UBE2E1: variants seen among roughly 807,000 people sequenced by gnomAD.
The protein encoded by UBE2E1 is ubiquitin conjugating enzyme E2 E1, also known as ubiquitin-conjugating enzyme E2 E1.
In UBE2E1, 6 loss-of-function variants were observed where a neutral mutation model predicts 21.4. The observed-to-expected ratio is 0.28, with a 90% CI of 0.15 to 0.55. The LOEUF (loss-of-function observed/expected upper bound fraction) is 0.55, where lower values mean the gene tolerates loss of function less well. Ranked by LOEUF, UBE2E1 falls within the 20% of genes least tolerant of loss-of-function variation. The pLI is 0.93. For missense variants in UBE2E1, 142 were observed against 236.5 expected (o/e 0.60, Z 2.62); for synonymous variants, 87 against 82.7 (o/e 1.05, Z -0.28).
At chr3:23,889,421 G>A in intron 5 of UBE2E1, 162 bp downstream of exon 5, 1 of 1,470,308 alleles carries the variant, frequency 6.8e-7, no homozygotes, top group Non-Finnish European at 8.9e-7. Context: ...CAGTCTACTA[G>A]TTGAGACACA....
intron 3 of UBE2E1, among the ~76,000 whole-genome samples, chr3:23,872,351 A>G (rs1219038028): frequency 6.8e-6 from 1 of 146,796 alleles, no homozygotes; most frequent in South Asian, 2.3e-4. Flanking sequence ...TCGGCATCAG[A>G]GGGAGACCGT....
At chr3:23,832,760 G>C (rs1328523920) in intron 3 of UBE2E1, among the ~76,000 whole-genome samples, 4 of 152,152 alleles carry the variant, frequency 2.6e-5, no homozygotes, top group African/African-American at 9.7e-5. Context: ...CAGGGATGTG[G>C]TGACTCACAC....
intron 3 of UBE2E1, among the ~76,000 whole-genome samples, chr3:23,848,823 G>A (rs1029378695): frequency 2.6e-5 from 4 of 152,170 alleles, no homozygotes; most frequent in Admixed American, 6.5e-5. Flanking sequence ...GGAATCAAAG[G>A]GGGAGAGGTG....
intron 3 of UBE2E1, among the ~76,000 whole-genome samples, chr3:23,821,285 A>G (rs1179948964): frequency 1.3e-5 from 2 of 152,220 alleles, no homozygotes; most frequent in East Asian, 1.9e-4. Flanking sequence ...AGCCTTACAA[A>G]GACATTTGGT....
chr3:23,867,474 T>G (rs75788107), intron 3 of UBE2E1, among the ~76,000 whole-genome samples: 2,121 of 152,356 alleles, frequency 0.014, 24 homozygotes, highest in Non-Finnish European at 0.02. Context: ...TTCACCCATT[T>G]CAAATCTTCC....
chr3:23,819,215 C>T (rs1699593623), intron 3 of UBE2E1, among the ~76,000 whole-genome samples: 2 of 152,114 alleles, frequency 1.3e-5, no homozygotes, highest in Admixed American at 1.3e-4. Flanking sequence ...ACCCGGGAGA[C>T]AGGGGTTGCA....
At chr3:23,866,679 G>A (rs1264002716) in intron 3 of UBE2E1, among the ~76,000 whole-genome samples, 5 of 150,532 alleles carry the variant, frequency 3.3e-5, no homozygotes, top group Admixed American at 6.6e-5. Flanking sequence ...CATTATTATC[G>A]AAATTCCTCT....
chr3:23,887,658 G>C lies in UBE2E1; in HGVS notation c.295G>C (p.Asp99His). 1 of 1,613,786 alleles carries C rather than the reference G, an allele frequency of 6.2e-7. No individual in the cohort carries two copies. The highest frequency in any genetic ancestry group is 8.5e-7 in the Non-Finnish European group (1 of 1,179,970). ...SVYEGGVFFL[D>H]ITFTPEYPFK... ...GTATGAGGGTGGTGTATTCTTTCTC[G>C]ATATCACTTTTACACCAGAATATCC... Residue 99 changes from aspartate to histidine, a missense_variant, in exon 4 of 6, where the codon GAT becomes CAT. Coordinates refer to ENST00000306627, the MANE Select transcript of UBE2E1 (RefSeq NM_003341.5). This position sits in a 1 kb window ranked among gnomAD's most constrained non-coding sequence, Gnocchi z 4.4.
Position 23,887,820 on chromosome 3 carries a change from G to C in UBE2E1, c.336+121G>C. 7.5e-7 allele frequency: 1 copy of C among 1,332,784 alleles called. No individual in the cohort carries two copies. The highest frequency in any genetic ancestry group is 1.5e-5 in the South Asian group (1 of 65,682). 82.6% of individuals were successfully genotyped at this position (1,332,784 alleles called of 1,614,324 possible). On this transcript the variant is annotated intron_variant, in intron 4 of 5. Transcript: ENST00000306627. The surrounding 1 kb of genome is among the most constrained non-coding windows in gnomAD (Gnocchi z 4.4). ...ATTTATCTTATGTCCTAATAGATCT[G>C]AGTATTTTAACATATACAAAACACT...
In UBE2E1 at chr3:23,842,198, GGTGTGTGTGTGTGTGTGT is replaced by G. The variant is rs55941535; in HGVS notation, c.203+30722_203+30739del. On this transcript the variant is annotated intron_variant, in intron 3 of 5. Coordinates refer to ENST00000306627, the MANE Select transcript of UBE2E1 (RefSeq NM_003341.5). This position sits in a 1 kb window ranked among gnomAD's most constrained non-coding sequence, Gnocchi z 4.6. ...TATGTCATGACCCAGTAAGTGAAGG[GGTGTGTGTGTGTGTGTGT>G]GTGTGTGTGTGTGTGTGTGTGTGTG... 3.8e-5 allele frequency among the ~76,000 whole-genome samples: 4 copies of G among 104,284 alleles called. No individual in the cohort carries two copies. The highest frequency in any genetic ancestry group is 3.9e-5 in the Non-Finnish European group (2 of 50,894). The allele number at this position is 104,284 out of a possible 152,430, so 68.4% of individuals were successfully genotyped here.
rs72625890 is a variant in UBE2E1, at chr3:23,813,010, T to C, written c.203+1500T>C. Among the ~76,000 whole-genome samples, 522 of 150,670 alleles carry C rather than the reference T, an allele frequency of 3.5e-3. 11 individuals carry two copies. In the East Asian group the frequency reaches 0.04, roughly 12 times the overall value. ...TTAAGCATTTAAAAAAAAAAAACAG[T>C]GTAAGTACACTTCAGTTTCACATCG... On this transcript the variant is annotated intron_variant, in intron 3 of 5. Coordinates refer to ENST00000306627, the MANE Select transcript of UBE2E1 (RefSeq NM_003341.5).
chr3:23,879,085 G>A (rs1700979938), intron 3 of UBE2E1: 1 of 498,046 alleles, frequency 2.0e-6, no homozygotes, highest in Non-Finnish European at 4.0e-6. Context: ...GAGAGAATGA[G>A]TTCCTGAAGT....
At chr3:23,886,293 G>A (rs1701182348) in intron 3 of UBE2E1, among the ~76,000 whole-genome samples, 1 of 152,182 alleles carries the variant, frequency 6.6e-6, no homozygotes, top group African/African-American at 2.4e-5. Flanking sequence ...GGTGATCACT[G>A]CCGTTTAATG....
intron 3 of UBE2E1, among the ~76,000 whole-genome samples, chr3:23,865,270 T>C (rs2125315961): frequency 6.6e-6 from 1 of 152,322 alleles, no homozygotes; most frequent in East Asian, 1.9e-4. Context: ...CCGCTCATAG[T>C]TCTCTAGCCC....
chr3:23,872,084 T>C (rs1328090423), intron 3 of UBE2E1, among the ~76,000 whole-genome samples: 3 of 152,070 alleles, frequency 2.0e-5, no homozygotes, highest in Admixed American at 6.5e-5. Context: ...CTGGGCACCA[T>C]TGAGCACTGA....
intron 3 of UBE2E1, among the ~76,000 whole-genome samples, chr3:23,878,066 C>G (rs1024541863): frequency 1.3e-5 from 2 of 152,116 alleles, no homozygotes; most frequent in Non-Finnish European, 2.9e-5. Flanking sequence ...ATTTCACTAA[C>G]TTGAGGTCAA....
chr3:23,849,445 C>T (rs1198179291), intron 3 of UBE2E1, among the ~76,000 whole-genome samples: 1 of 152,040 alleles, frequency 6.6e-6, no homozygotes, highest in South Asian at 2.1e-4. Flanking sequence ...ACCTATCAAC[C>T]TGTCATCTAG....
At chr3:23,845,809 G>A (rs1201357093) in intron 3 of UBE2E1, among the ~76,000 whole-genome samples, 2 of 152,080 alleles carry the variant, frequency 1.3e-5, no homozygotes, top group Non-Finnish European at 2.9e-5. Flanking sequence ...ATGAAAAAAT[G>A]TGGTTGTGTT....
intron 3 of UBE2E1, among the ~76,000 whole-genome samples, chr3:23,866,886 A>G (rs1034543193): frequency 6.6e-6 from 1 of 152,278 alleles, no homozygotes; most frequent in Admixed American, 6.5e-5. Context: ...AAGGCAGACC[A>G]GTAATTGTGA....
Sources: allele counts gnomAD v4.1 joint callset (sites outside exome capture counted in the v4.1 genomes callset), GRCh38; gene constraint gnomAD v4.1.1; non-coding constraint Gnocchi (gnomAD v3.1); transcripts MANE v1.5; gene names NCBI Gene and HGNC (gene_info 2026-07-23, HGNC 2026-07-21).